TNXB: variants seen among roughly 807,000 people sequenced by gnomAD.
TNXB encodes tenascin-X.
In TNXB, 183 loss-of-function variants were observed where a neutral mutation model predicts 340.5. That is an observed-to-expected ratio of 0.54 (90% CI 0.48 to 0.61). The LOEUF (loss-of-function observed/expected upper bound fraction) is 0.61. Among genes scored for constraint, TNXB ranks in the 20% least tolerant of loss-of-function variants. The pLI is 0.00. For synonymous variants in TNXB, 2,121 were observed against 2,314.5 expected, an observed-to-expected ratio of 0.92 and a Z score of 2.40; for missense variants, 4,613 against 5,446.4, an observed-to-expected ratio of 0.85 and a Z score of 4.82.
At position 32,097,126 on chromosome 6, in the gene TNXB, C is replaced by T. The variant is rs748008150; in HGVS notation, c.727G>A (p.Asp243Asn). 1 of 1,609,456 alleles carries T rather than the reference C, an allele frequency of 6.2e-7. No homozygotes were observed. The highest frequency in any genetic ancestry group is 8.5e-7 in the Non-Finnish European group (1 of 1,178,126). Reference protein sequence around the residue: ...CVCRAGFSGPDCSQRSCPRGC... With the variant: ...CVCRAGFSGPNCSQRSCPRGC... ...CGAGGGCAGGAGCGCTGGCTGCAGTCGGGGCCTGAGAAGCCTGCCCGGCAC... is the reference window on the plus strand; with the variant it reads ...CGAGGGCAGGAGCGCTGGCTGCAGTTGGGGCCTGAGAAGCCTGCCCGGCAC... The change falls in exon 3 of 44, where the codon GAC becomes AAC. Residue 243 changes from aspartate to asparagine, a missense_variant. Around this residue, in one of 7 missense-constraint regions of TNXB, gnomAD observed 4,327 missense variants for 4,859.4 expected, o/e 0.89. Coordinates refer to ENST00000644971, the MANE Select transcript of TNXB (RefSeq NM_001365276.2). The surrounding 1 kb of genome is among the most constrained non-coding windows in gnomAD (Gnocchi z 5.9).
chr6:32,066,629 A>G lies in TNXB; in HGVS notation c.6544+1032T>C, dbSNP rs564066637. ...TGAGGTAGGAATGGGTCTGGACCCA[A>G]GATTTCTTTTGGGGGTGATGGAAAA... On this transcript the variant is annotated intron_variant, in intron 18 of 43. Coordinates refer to ENST00000644971, the MANE Select transcript of TNXB (RefSeq NM_001365276.2). 1.2e-4 allele frequency among the ~76,000 whole-genome samples: 19 copies of G among 152,350 alleles called. No homozygotes were observed. The South Asian group carries it at 3.3e-3, about 27-fold the overall frequency.
In TNXB at chr6:32,082,042, T is replaced by G. The variant is rs767794379; in HGVS notation, c.3730A>C (p.Thr1244Pro). 8.6e-5 allele frequency: 137 copies of G among 1,602,162 alleles called. No individual in the cohort carries two copies. Among genetic ancestry groups the G allele is most frequent in the Non-Finnish European group, 1.1e-4 (130 of 1,174,850 alleles). Residue 1244 changes from threonine (T) to proline (P), a missense_variant, in exon 9 of 44, where the codon ACC becomes CCC. Transcript: ENST00000644971. This position sits in a 1 kb window ranked among gnomAD's most constrained non-coding sequence, Gnocchi z 5.0. Reference sequence around the variant, plus strand: ...TGAGGTGGCTGCTACTCACCAGTGGTGCCATCGGCCGTGAGGGGGCCATAC... The same window carrying G: ...TGAGGTGGCTGCTACTCACCAGTGGGGCCATCGGCCGTGAGGGGGCCATAC... Reference protein sequence around the residue: ...KRYGPLTADGTTAPERKEEPP... With the variant: ...KRYGPLTADGPTAPERKEEPP...
Position 32,098,456 on chromosome 6 carries a change from T to TTTTTG in TNXB, c.-8-255_-8-251dup, listed in dbSNP as rs60265005. On this transcript the variant is annotated intron_variant, in intron 1 of 43. Coordinates refer to ENST00000644971, the MANE Select transcript of TNXB (RefSeq NM_001365276.2). ...TCTATTGTGTTCCCCTACACTGGTT[T>TTTTTG]TTTTGTTTTGTTTTGTTTTGTTTTG... Among the ~76,000 whole-genome samples, 2,024 of 151,788 alleles carry TTTTTG rather than the reference T, an allele frequency of 0.013. 48 individuals are homozygous for TTTTTG. The highest frequency in any genetic ancestry group is 0.079 in the South Asian group (378 of 4,766).
At position 32,085,950 on chromosome 6, in the gene TNXB, G is replaced by T; in HGVS notation, c.2948C>A (p.Ala983Asp). ...GAAGTAGGCAAAGGTGTCAGGCTGG[G>T]CGGTCCAGACCACACGGAGGCGCCC... The part of the protein sequence containing the change: ...ETGRLRVVWT[A>D]QPDTFAYFQL... Residue 983 changes from alanine to aspartate, a missense_variant, in exon 7 of 44, where the codon GCC becomes GAC. Ala to Asp is a moderately radical substitution (Grantham distance 126, BLOSUM62 -2). Coordinates refer to ENST00000644971, the MANE Select transcript of TNXB (RefSeq NM_001365276.2). The surrounding 1 kb of genome is among the most constrained non-coding windows in gnomAD (Gnocchi z 6.4). The T allele has an allele frequency of 1.2e-6, 2 of 1,608,470 alleles. No homozygotes were observed. The highest frequency in any genetic ancestry group is 2.2e-5 in the South Asian group (2 of 90,196).
In TNXB at chr6:32,097,727, G is replaced by C; in HGVS notation, c.403+69C>G. ...AGTGCCTTCTTCTAATTCATACCAA[G>C]GACCTTTATGGACTAGCAATGCCCA... is the stretch of plus-strand genomic sequence containing the variant. On this transcript the variant is annotated intron_variant, in intron 2 of 43. Coordinates refer to ENST00000644971, the MANE Select transcript of TNXB (RefSeq NM_001365276.2). This position sits in a 1 kb window ranked among gnomAD's most constrained non-coding sequence, Gnocchi z 5.9. 6.9e-7 allele frequency: 1 copy of C among 1,456,966 alleles called. No individual in the cohort carries two copies. Among genetic ancestry groups the C allele is most frequent in the Non-Finnish European group, 9.1e-7 (1 of 1,096,592 alleles). 90.3% of individuals were successfully genotyped at this position (1,456,966 alleles called of 1,614,324 possible). A position where few individuals can be genotyped will look rare whatever the true frequency, so the allele number is the denominator to read the frequency against.
rs771203436 is a variant in TNXB at position 32,058,335 on chromosome 6, G to A, written c.7548C>T (p.Ala2516=). ...GGAGAGGCTCCTCGGGGGGCCCTGGGGCCTCTGTGCCTGGTTCTGTAGGGC... is the reference window on the plus strand; with the variant it reads ...GGAGAGGCTCCTCGGGGGGCCCTGGAGCCTCTGTGCCTGGTTCTGTAGGGC... ...TPSPTEPGTE[A]PGPPEEPLLG... is the part of the protein sequence containing the mutation. Residue 2516 remains alanine, a synonymous_variant, in exon 22 of 44, where the codon GCC becomes GCT. Transcript: ENST00000644971. The surrounding 1 kb of genome is among the most constrained non-coding windows in gnomAD (Gnocchi z 5.1). The A allele has an allele frequency of 1.2e-6, 2 of 1,611,816 alleles. No homozygotes were observed.
intron 22 of TNXB, among the ~76,000 whole-genome samples, chr6:32,057,703 C>G (rs185339045): frequency 6.6e-6 from 1 of 152,316 alleles, no homozygotes; most frequent in African/African-American, 2.4e-5. Flanking sequence ...AGCCTCCTGG[C>G]CTTTGCACCA....
In TNXB at chr6:32,083,674, T is replaced by C. The variant is rs927793493; in HGVS notation, c.3445+739A>G. Among the ~76,000 whole-genome samples the C allele has an allele frequency of 1.3e-5, 2 of 152,148 alleles. No homozygotes were observed. Among genetic ancestry groups the C allele is most frequent in the African/African-American group, 4.8e-5 (2 of 41,486 alleles). ...TTTTTCTTTTTTTTGAGACAGGGTG[T>C]TGCTCTGTGCAGAGTGTGGATAGCA... On this transcript the variant is annotated intron_variant, in intron 8 of 43. Coordinates refer to ENST00000644971, the MANE Select transcript of TNXB (RefSeq NM_001365276.2). The surrounding 1 kb of genome is among the most constrained non-coding windows in gnomAD (Gnocchi z 4.6).
chr6:32,096,452 A>G lies in TNXB; in HGVS notation c.1401T>C (p.Pro467=), dbSNP rs1437524046. 6.3e-7 allele frequency: 1 copy of G among 1,597,128 alleles called. No individual in the cohort carries two copies. The highest frequency in any genetic ancestry group is 8.5e-7 in the Non-Finnish European group (1 of 1,178,566). ...AGCGGCCCCGGCCACGACAGTCCCC[A>G]GGACAGCTGCGCACACCGCAGTCCT... is the stretch of plus-strand genomic sequence containing the variant. ...SGEDCGVRSC[P]GDCRGRGRCE... Residue 467 remains proline (P), a synonymous_variant, in exon 3 of 44, where the codon CCT becomes CCC. Transcript: ENST00000644971.
chr6:32,071,110 C>T (rs539384732), intron 13 of TNXB, among the ~76,000 whole-genome samples: 35 of 152,256 alleles, frequency 2.3e-4, no homozygotes, highest in African/African-American at 8.4e-4. Context: ...AGGACGCTGA[C>T]GACATTGTTA....
Position 32,073,568 on chromosome 6 carries a change from G to T in TNXB, c.4681+79C>A. ...CTCAGTGAGGGTGCGGTGGTACCAAGGCAGGGCTGGAAGAAGGGCCATGGG... is the reference window on the plus strand; with the variant it reads ...CTCAGTGAGGGTGCGGTGGTACCAATGCAGGGCTGGAAGAAGGGCCATGGG... On this transcript the variant is annotated intron_variant, in intron 12 of 43. Transcript: ENST00000644971. This position sits in a 1 kb window ranked among gnomAD's most constrained non-coding sequence, Gnocchi z 4.6. 1 of 1,360,638 alleles carries T rather than the reference G, an allele frequency of 7.3e-7. No homozygotes were observed. 84.3% of individuals were successfully genotyped at this position (1,360,638 alleles called of 1,614,324 possible).
rs1287981386 is a variant in TNXB, at chr6:32,089,059, T to A, written c.2516-11A>T. On this transcript the variant is annotated splice_polypyrimidine_tract_variant and intron_variant, in intron 5 of 43. Coordinates refer to ENST00000644971, the MANE Select transcript of TNXB (RefSeq NM_001365276.2). This position sits in a 1 kb window ranked among gnomAD's most constrained non-coding sequence, Gnocchi z 6.2. ...GGGGCCCATCGATCACTAGCCAGGT[T>A]AAAGAGGAGGACTCAGGTGGGTGTC... 2 of 1,605,470 alleles carry A rather than the reference T, an allele frequency of 1.2e-6. No homozygotes were observed. The highest frequency in any genetic ancestry group is 3.3e-5 in the Admixed American group (2 of 59,850).
chr6:32,081,291 G>T lies in TNXB; in HGVS notation c.4042+77C>A. On this transcript the variant is annotated intron_variant, in intron 10 of 43. Transcript: ENST00000644971. The surrounding 1 kb of genome is among the most constrained non-coding windows in gnomAD (Gnocchi z 5.1). ...GCTGAGAAGGCGAAGATGGAGGGAG[G>T]CTGGAAGGAGCCCCAGCCAAGTCCC... is the stretch of plus-strand genomic sequence containing the variant. The T allele has an allele frequency of 7.1e-7, 1 of 1,406,434 alleles. No individual in the cohort carries two copies. Among genetic ancestry groups the T allele is most frequent in the Non-Finnish European group, 9.6e-7 (1 of 1,043,096 alleles). 87.1% of individuals were successfully genotyped at this position (1,406,434 alleles called of 1,614,324 possible).
chr6:32,087,757 C>T lies in TNXB; in HGVS notation c.2779+1028G>A, dbSNP rs1415016580. Reference sequence around the variant, plus strand: ...TGGGTAGCCGTGAGCCCGCAGGTGGCGCTCCAGGTCCTGCACCGTGCCGCG... The same window carrying T: ...TGGGTAGCCGTGAGCCCGCAGGTGGTGCTCCAGGTCCTGCACCGTGCCGCG... On this transcript the variant is annotated intron_variant, in intron 6 of 43. Transcript: ENST00000644971. The surrounding 1 kb of genome is among the most constrained non-coding windows in gnomAD (Gnocchi z 9.0). The T allele has an allele frequency of 2.0e-6, 1 of 508,062 alleles. No individual in the cohort carries two copies. The highest frequency in any genetic ancestry group is 2.0e-5 in the Admixed American group (1 of 50,448). 31.5% of individuals were successfully genotyped at this position (508,062 alleles called of 1,614,324 possible). A position where few individuals can be genotyped will look rare whatever the true frequency, so the allele number is the denominator to read the frequency against.
rs1447500507 is a variant in TNXB, at chr6:32,079,256, G to A, written c.4152C>T (p.Ser1384=). 1 of 1,613,602 alleles carries A rather than the reference G, an allele frequency of 6.2e-7. No individual in the cohort carries two copies. Among genetic ancestry groups the A allele is most frequent in the Non-Finnish European group, 8.5e-7 (1 of 1,179,866 alleles). Residue 1384 remains serine, a synonymous_variant, in exon 11 of 44, where the codon TCC becomes TCT. Transcript: ENST00000644971. The surrounding 1 kb of genome is among the most constrained non-coding windows in gnomAD (Gnocchi z 7.1). Reference sequence around the variant, plus strand: ...TCCAGAAGAGGCTCAGCGAATCAGGGGAGGATCCTGTCACTGTCAGCTCCC... The same window carrying A: ...TCCAGAAGAGGCTCAGCGAATCAGGAGAGGATCCTGTCACTGTCAGCTCCC... ...LLGELTVTGS[S]PDSLSLFWTV...
rs1201804337 is a variant in TNXB at position 32,067,878 on chromosome 6, G to A, written c.6327C>T (p.Asp2109=). Residue 2109 remains aspartate (D), a synonymous_variant, in exon 18 of 44, where the codon GAC becomes GAT. Coordinates refer to ENST00000644971, the MANE Select transcript of TNXB (RefSeq NM_001365276.2). The surrounding 1 kb of genome is among the most constrained non-coding windows in gnomAD (Gnocchi z 4.2). ...GELTVTGSSP[D]SLSLSWTVPQ... ...GGACGGTCCAGGAGAGGCTCAGCGA[G>A]TCAGGGGAGGATCCTGTCACTGTTA... The A allele has an allele frequency of 6.8e-6, 11 of 1,612,918 alleles. No homozygotes were observed. The highest frequency in any genetic ancestry group is 9.3e-6 in the Non-Finnish European group (11 of 1,179,890).
At chr6:32,092,737 C>T (rs1339380310) in intron 4 of TNXB, among the ~76,000 whole-genome samples, 3 of 151,884 alleles carry the variant, frequency 2.0e-5, no homozygotes, top group Non-Finnish European at 4.4e-5. Flanking sequence ...ATAGATGGCA[C>T]TTGCCAAGGC....
chr6:32,084,956 T>C lies in TNXB; in HGVS notation c.3149-247A>G, dbSNP rs1159237174. ...TTGGTCTCTCTGCACACCAGGATCT[T>C]TGCGGGGGTTTCAGGTCCCCCTGGT... On this transcript the variant is annotated intron_variant, in intron 7 of 43. Coordinates refer to ENST00000644971, the MANE Select transcript of TNXB (RefSeq NM_001365276.2). This position sits in a 1 kb window ranked among gnomAD's most constrained non-coding sequence, Gnocchi z 5.5. Among the ~76,000 whole-genome samples, 1 of 152,094 alleles carries C rather than the reference T, an allele frequency of 6.6e-6. No individual in the cohort carries two copies. Among genetic ancestry groups the C allele is most frequent in the African/African-American group, 2.4e-5 (1 of 41,402 alleles).
Position 32,072,143 on chromosome 6 carries a change from C to T in TNXB, c.4837G>A (p.Asp1613Asn), listed in dbSNP as rs547312711. 1.9e-6 allele frequency: 3 copies of T among 1,613,608 alleles called. No individual in the cohort carries two copies. In the East Asian group the frequency reaches 6.7e-5, roughly 36 times the overall value. The stretch of plus-strand genomic sequence containing the variant: ...ACCACCTGGGGCTGCCCGTCCCTGT[C>T]CTTGTACTGAACCACAAAGGAGTCG... ...EFDSFVVQYK[D>N]RDGQPQVVPV... Residue 1613 changes from aspartate to asparagine, a missense_variant, in exon 13 of 44, where the codon GAC becomes AAC. Coordinates refer to ENST00000644971, the MANE Select transcript of TNXB (RefSeq NM_001365276.2). This position sits in a 1 kb window ranked among gnomAD's most constrained non-coding sequence, Gnocchi z 4.4.
Sources: allele counts gnomAD v4.1 joint callset (sites outside exome capture counted in the v4.1 genomes callset), GRCh38; gene constraint gnomAD v4.1.1; regional missense constraint gnomAD v4.1.1; non-coding constraint Gnocchi (gnomAD v3.1); transcripts MANE v1.5; gene names NCBI Gene and HGNC (gene_info 2026-07-23, HGNC 2026-07-21).